DDI2: variants seen among roughly 807,000 people sequenced by gnomAD.
The protein encoded by DDI2 is protein DDI1 homolog 2.
A neutral mutation model predicts 48.1 loss-of-function variants in DDI2; 5 were observed. That is an observed-to-expected ratio of 0.10 (90% confidence interval 0.05 to 0.22). DDI2 has a LOEUF of 0.22. Ranked by LOEUF, DDI2 falls within the 10% of genes least tolerant of loss-of-function variation. The pLI, the probability that DDI2 is intolerant of heterozygous loss-of-function variation, is 1.00. For synonymous variants in DDI2, 205 were observed against 183.6 expected, an observed-to-expected ratio of 1.12 and a Z score of -0.94; for missense variants, 285 against 506.2, an observed-to-expected ratio of 0.56 and a Z score of 4.19.
At chr1:15,651,674 C>G in intron 7 of DDI2, 32 bp from the exon 8 acceptor site, 1 of 1,564,944 alleles carries the variant, frequency 6.4e-7, no homozygotes, top group Non-Finnish European at 8.7e-7. Context: ...GGTGTTTTAT[C>G]TGCTATTATT....
At chr1:15,626,566 T>TA in intron 1 of DDI2, 103 bp from the exon 2 acceptor site, 1 of 1,520,228 alleles carries the variant, frequency 6.6e-7, no homozygotes, top group Non-Finnish European at 8.9e-7. Context: ...CTGGAGGGTT[T>TA]GAAAGGAGGG....
intron 9 of DDI2, among the ~76,000 whole-genome samples, chr1:15,658,327 T>G (rs1640302412): frequency 6.6e-6 from 1 of 151,776 alleles, no homozygotes; most frequent in African/African-American, 2.4e-5. Flanking sequence ...TTTTTGTATT[T>G]TTAGTAGAGA....
chr1:15,644,828 C>T (rs1055897666), intron 6 of DDI2, among the ~76,000 whole-genome samples: 7 of 151,854 alleles, frequency 4.6e-5, no homozygotes, highest in South Asian at 4.1e-4. Flanking sequence ...CTCCTGACCT[C>T]GTGATCCGCC....
intron 8 of DDI2, among the ~76,000 whole-genome samples, chr1:15,653,400 C>T (rs933969190): frequency 2.6e-5 from 4 of 152,082 alleles, no homozygotes; most frequent in Admixed American, 1.3e-4. Flanking sequence ...CTCTCGCCTC[C>T]GCCTCCCAAA....
At chr1:15,641,955 C>CAAA (rs57716922) in intron 5 of DDI2, among the ~76,000 whole-genome samples, 2 of 79,356 alleles carry the variant, frequency 2.5e-5, no homozygotes, top group Non-Finnish European at 5.3e-5. Flanking sequence ...AATTCAGTCT[C>CAAA]AAAAAAAAAA....
At chr1:15,654,010 C>T (rs1640233248) in intron 8 of DDI2, among the ~76,000 whole-genome samples, 1 of 152,116 alleles carries the variant, frequency 6.6e-6, no homozygotes, top group South Asian at 2.1e-4. Context: ...TATTATAGAA[C>T]GGTGACTCTG....
At position 15,660,840 on chromosome 1, in the gene DDI2, A is replaced by G. The variant is rs766062612; in HGVS notation, c.*1050A>G. The stretch of plus-strand genomic sequence containing the variant: ...ATGTTGAAATACCTGGAACAAATAA[A>G]GAATATGGCCATTACTCCTCTCCAA... On this transcript the variant is annotated 3_prime_UTR_variant, in exon 10 of 10. Transcript: ENST00000480945. 3 of 1,614,066 alleles carry G rather than the reference A, an allele frequency of 1.9e-6. No homozygotes were observed. Among genetic ancestry groups the G allele is most frequent in the Admixed American group, 1.7e-5 (1 of 59,996 alleles).
In DDI2 at chr1:15,668,625, A is replaced by T. The variant is rs1403985448; in HGVS notation, c.*8835A>T. ...ACCCCGTCCTTTCTTTTCCTTCTTT[A>T]TATGTTCTTGCAGTTACTCTTGTAT... On this transcript the variant is annotated 3_prime_UTR_variant, in exon 10 of 10. Coordinates refer to ENST00000480945, the MANE Select transcript of DDI2 (RefSeq NM_032341.5). 1 of 152,048 alleles carries T rather than the reference A, an allele frequency of 6.6e-6. No homozygotes were observed. The highest frequency in any genetic ancestry group is 1.5e-5 in the Non-Finnish European group (1 of 67,992). 9.4% of individuals were successfully genotyped at this position (152,048 alleles called of 1,614,324 possible).
chr1:15,633,052 A>T (rs1346003518), intron 3 of DDI2, among the ~76,000 whole-genome samples: 1 of 150,216 alleles, frequency 6.7e-6, no homozygotes, highest in East Asian at 2.0e-4. Context: ...ACCCCCATCC[A>T]ACAGTAGCTG....
In DDI2 at chr1:15,668,049, G is replaced by A. The variant is rs1640481009; in HGVS notation, c.*8259G>A. 6.6e-6 allele frequency: 1 copy of A among 152,002 alleles called. No individual in the cohort carries two copies. The highest frequency in any genetic ancestry group is 6.6e-5 in the Admixed American group (1 of 15,248). 9.4% of individuals were successfully genotyped at this position (152,002 alleles called of 1,614,324 possible). On this transcript the variant is annotated 3_prime_UTR_variant, in exon 10 of 10. Coordinates refer to ENST00000480945, the MANE Select transcript of DDI2 (RefSeq NM_032341.5). ...ATTATGATAATTTATACAGAACTAG[G>A]TTTCTTTATGTTCTGCAAGAAGGTT...
intron 1 of DDI2, among the ~76,000 whole-genome samples, chr1:15,622,350 A>G (rs997941070): frequency 6.6e-6 from 1 of 152,126 alleles, no homozygotes; most frequent in Admixed American, 6.6e-5. Context: ...GTAATGCTAG[A>G]AATTTATTGT....
intron 6 of DDI2, among the ~76,000 whole-genome samples, chr1:15,646,531 A>C (rs985914058): frequency 2.0e-5 from 3 of 152,154 alleles, no homozygotes; most frequent in Non-Finnish European, 2.9e-5. Context: ...TACTAAAAAT[A>C]CAAAAATTAG....
intron 1 of DDI2, among the ~76,000 whole-genome samples, chr1:15,621,748 A>G (rs908370991): frequency 2.6e-5 from 4 of 152,278 alleles, no homozygotes; most frequent in South Asian, 4.1e-4. Context: ...TAATTTAGCA[A>G]TTTCCCTTTT....
At chr1:15,624,763 A>G (rs1380966482) in intron 1 of DDI2, among the ~76,000 whole-genome samples, 1 of 151,844 alleles carries the variant, frequency 6.6e-6, no homozygotes, top group Non-Finnish European at 1.5e-5. Flanking sequence ...ATATCCTACT[A>G]CTCAAGGTCA....
chr1:15,642,728 A>T (rs1417370886), intron 5 of DDI2, among the ~76,000 whole-genome samples: 2 of 152,236 alleles, frequency 1.3e-5, no homozygotes, highest in Non-Finnish European at 2.9e-5. Context: ...GTTCCAGACC[A>T]GCCTGGCCAA....
chr1:15,644,679 C>T (rs1178207781), intron 6 of DDI2, among the ~76,000 whole-genome samples: 3 of 147,696 alleles, frequency 2.0e-5, no homozygotes, highest in Admixed American at 1.4e-4. Context: ...CTGCAAGCTC[C>T]GCCTCCTGGG....
intron 1 of DDI2, among the ~76,000 whole-genome samples, chr1:15,620,957 C>A (rs1034903023): frequency 4.6e-5 from 7 of 152,218 alleles, no homozygotes; most frequent in Admixed American, 6.5e-5. Context: ...TTCAGTCTTT[C>A]ACCTGAGTGT....
chr1:15,620,105 A>C (rs1639634149), intron 1 of DDI2, among the ~76,000 whole-genome samples: 1 of 152,180 alleles, frequency 6.6e-6, no homozygotes, highest in Non-Finnish European at 1.5e-5. Context: ...CTTGTTCATT[A>C]TGTCAATGTT....
In DDI2 at chr1:15,665,591, A is replaced by G. The variant is rs779121526; in HGVS notation, c.*5801A>G. On this transcript the variant is annotated 3_prime_UTR_variant, in exon 10 of 10. Transcript: ENST00000480945. ...AACTTTTAAGCTCATGTCTATATAT[A>G]TGTGTGTAAGCTAGCATATACATAT... is the stretch of plus-strand genomic sequence containing the variant. 10 of 152,194 alleles carry G rather than the reference A, an allele frequency of 6.6e-5. No homozygotes were observed. The highest frequency in any genetic ancestry group is 1.2e-4 in the Non-Finnish European group (8 of 68,042). The allele number at this position is 152,194 out of a possible 1,614,324, so 9.4% of individuals were successfully genotyped here.
Sources: allele counts gnomAD v4.1 joint callset (sites outside exome capture counted in the v4.1 genomes callset), GRCh38; gene constraint gnomAD v4.1.1; transcripts MANE v1.5; gene names NCBI Gene and HGNC (gene_info 2026-07-23, HGNC 2026-07-21).